The following CLYBL variants were observed in gnomAD, a reference collection of about 807,000 sequenced individuals.
The protein encoded by CLYBL is citramalyl-CoA lyase, mitochondrial.
In CLYBL, 31 loss-of-function variants were observed where a neutral mutation model predicts 38.9. The observed-to-expected ratio is 0.80, with a 90% CI of 0.60 to 1.08. CLYBL has a LOEUF of 1.08. CLYBL is among the 50% of genes least tolerant of loss of function. CLYBL has a pLI of 0.00. For missense variants in CLYBL, 434 were observed against 411.6 expected (o/e 1.05, Z -0.47); for synonymous variants, 171 against 158.6 (o/e 1.08, Z -0.59).
At chr13:99,870,782 TTTTG>T (rs1202884584) in intron 6 of CLYBL, among the ~76,000 whole-genome samples, 152 bp from the exon 7 acceptor site, 2 of 152,178 alleles carry the variant, frequency 1.3e-5, no homozygotes, top group African/African-American at 2.4e-5. Context: ...TGATTGCAGG[TTTTG>T]TTTGTTTTGT....
rs1047240758 is a variant in CLYBL at position 99,835,155 on chromosome 13, C to A, written c.250-23706C>A. Reference sequence around the variant, plus strand: ...TACTCTGTTCTCACCGTCGCCTCTACCCTCTATGAGCGGCTGATTCATCTC... The same window carrying A: ...TACTCTGTTCTCACCGTCGCCTCTAACCTCTATGAGCGGCTGATTCATCTC... On this transcript the variant is annotated intron_variant, in intron 2 of 8. Coordinates refer to ENST00000339105, the MANE Select transcript of CLYBL (RefSeq NM_206808.5). 5.9e-5 allele frequency among the ~76,000 whole-genome samples: 9 copies of A among 152,216 alleles called. No homozygotes were observed. The East Asian group carries it at 1.7e-3, about 29-fold the overall frequency.
At chr13:99,617,630 C>A (rs1397883941) in intron 1 of CLYBL, among the ~76,000 whole-genome samples, 1 of 51,368 alleles carries the variant, frequency 1.9e-5, no homozygotes, top group Admixed American at 2.0e-4. Flanking sequence ...GCTGCCCTCA[C>A]GAACGCCTTT....
intron 2 of CLYBL, among the ~76,000 whole-genome samples, chr13:99,846,421 T>C (rs2051207985): frequency 6.6e-6 from 1 of 151,744 alleles, no homozygotes; most frequent in Non-Finnish European, 1.5e-5. Context: ...TTTAAAGCCC[T>C]GTCTACTTTA....
At chr13:99,767,544 C>T (rs905435468) in intron 1 of CLYBL, among the ~76,000 whole-genome samples, 16 of 152,130 alleles carry the variant, frequency 1.1e-4, no homozygotes, top group African/African-American at 3.6e-4. Flanking sequence ...CTCTTGCTAC[C>T]CTTTTCTCTC....
chr13:99,827,761 T>C (rs547179300), intron 2 of CLYBL, among the ~76,000 whole-genome samples: 1 of 152,352 alleles, frequency 6.6e-6, no homozygotes, highest in East Asian at 1.9e-4. Flanking sequence ...GCTCAGACTC[T>C]CGCTTTGTCC....
intron 2 of CLYBL, among the ~76,000 whole-genome samples, chr13:99,842,983 T>G (rs879543076): frequency 2.0e-5 from 3 of 152,142 alleles, no homozygotes; most frequent in Non-Finnish European, 2.9e-5. Flanking sequence ...CGTTATATGA[T>G]TTCAATACTC....
intron 9 of CLYBL, among the ~76,000 whole-genome samples, chr13:99,906,484 C>T (rs1300778388): frequency 4.6e-5 from 7 of 151,402 alleles, no homozygotes; most frequent in East Asian, 1.9e-4. Context: ...CACCCAGTGG[C>T]GCGATCTCGG....
intron 1 of CLYBL, among the ~76,000 whole-genome samples, chr13:99,726,008 A>G (rs1206371141): frequency 6.6e-6 from 1 of 152,156 alleles, no homozygotes; most frequent in Non-Finnish European, 1.5e-5. Flanking sequence ...TTGAGTGTAG[A>G]TGGGTTGATT....
downstream of CLYBL, among the ~76,000 whole-genome samples, chr13:99,897,945 A>AAAAG (rs113879061): frequency 0.031 from 4,692 of 151,912 alleles, 217 homozygotes; most frequent in African/African-American, 0.1. Context: ...CGTCTCAAAA[A>AAAAG]AAAGAAAGAA....
intron 1 of CLYBL, among the ~76,000 whole-genome samples, chr13:99,702,527 G>A (rs2048083090): frequency 1.3e-5 from 2 of 151,736 alleles, no homozygotes; most frequent in African/African-American, 4.9e-5. Flanking sequence ...AGCTACTTAG[G>A]AGGCTGAGGC....
chr13:99,612,902 C>T (rs2139176899), intron 1 of CLYBL, among the ~76,000 whole-genome samples: 1 of 151,956 alleles, frequency 6.6e-6, no homozygotes, highest in Non-Finnish European at 1.5e-5. Flanking sequence ...GTGATCCTAG[C>T]CACTTGGGAT....
At chr13:99,718,755 ATCT>A (rs1286359183) in intron 1 of CLYBL, among the ~76,000 whole-genome samples, 2 of 152,166 alleles carry the variant, frequency 1.3e-5, no homozygotes, top group African/African-American at 4.8e-5. Flanking sequence ...TTAGATAATG[ATCT>A]TCTTTATCCT....
intron 2 of CLYBL, among the ~76,000 whole-genome samples, chr13:99,796,549 C>T (rs1385557202): frequency 6.6e-6 from 1 of 152,162 alleles, no homozygotes; most frequent in Non-Finnish European, 1.5e-5. Flanking sequence ...TTATTCTCCC[C>T]ATTGACAGAT....
At chr13:99,822,013 C>G (rs1027934719) in intron 2 of CLYBL, among the ~76,000 whole-genome samples, 2 of 152,164 alleles carry the variant, frequency 1.3e-5, no homozygotes, top group African/African-American at 4.8e-5. Context: ...CCCAGACTCT[C>G]CTACTGGAGA....
chr13:99,796,291 G>A (rs2050020630), intron 2 of CLYBL, among the ~76,000 whole-genome samples: 2 of 152,124 alleles, frequency 1.3e-5, no homozygotes, highest in African/African-American at 4.8e-5. Flanking sequence ...GGGTTTGGCT[G>A]GAGGACAGTG....
chr13:99,742,409 A>G (rs9517867), intron 1 of CLYBL, among the ~76,000 whole-genome samples: 4,356 of 152,318 alleles, frequency 0.029, 77 homozygotes, highest in Middle Eastern at 0.12. Context: ...CTAGTCTTGT[A>G]TTTGTTGAAG....
intron 1 of CLYBL, among the ~76,000 whole-genome samples, chr13:99,767,948 G>C (rs1317570844): frequency 6.6e-6 from 1 of 151,988 alleles, no homozygotes; most frequent in Non-Finnish European, 1.5e-5. Context: ...GACCGTTTCT[G>C]TTGACTTATT....
At chr13:99,875,532 G>T (rs1167805208) in intron 7 of CLYBL, among the ~76,000 whole-genome samples, 5 of 152,146 alleles carry the variant, frequency 3.3e-5, no homozygotes, top group African/African-American at 9.7e-5. Flanking sequence ...GGTCCAGATG[G>T]CCTTCTAGAA....
chr13:99,891,505 G>A, intron 8 of CLYBL, 68 bp downstream of exon 8: 1 of 846,256 alleles, frequency 1.2e-6, no homozygotes, highest in Non-Finnish European at 2.0e-6. Flanking sequence ...TTGTTAGGAT[G>A]CCAGATTGGG....
Sources: gnomAD v4.1 joint callset for allele counts (sites outside exome capture counted in the v4.1 genomes callset) on GRCh38, gnomAD v4.1.1 for gene constraint, MANE v1.5 for transcripts, NCBI Gene and HGNC (gene_info 2026-07-23, HGNC 2026-07-21) for gene names.